The following SSBP2 variants were observed in gnomAD, a reference collection of about 807,000 sequenced individuals.
SSBP2 encodes single stranded DNA binding protein 2, also known as single-stranded DNA-binding protein 2.
A neutral mutation model predicts 61.8 loss-of-function variants in SSBP2; 17 were observed. That is an observed-to-expected ratio of 0.28 (90% CI 0.19 to 0.41). The LOEUF is 0.41. Ranked by LOEUF, SSBP2 falls within the 10% of genes least tolerant of loss-of-function variation. The probability of loss-of-function intolerance (pLI) is 1.00; values close to 1 mark genes in which losing one functional copy is unlikely to be tolerated. For missense variants in SSBP2, 310 were observed against 458.7 expected (o/e 0.68, Z 2.96); for synonymous variants, 139 against 141.3 (o/e 0.98, Z 0.12).
At chr5:81,611,034 T>G (rs1271381420) in intron 4 of SSBP2, among the ~76,000 whole-genome samples, 1 of 152,134 alleles carries the variant, frequency 6.6e-6, no homozygotes, top group South Asian at 2.1e-4. Context: ...GATAACCTAG[T>G]CTTGTGAGCA....
chr5:81,556,174 T>A (rs887518247), intron 4 of SSBP2, among the ~76,000 whole-genome samples: 1 of 152,110 alleles, frequency 6.6e-6, no homozygotes, highest in Admixed American at 6.6e-5. Context: ...TCATTTATTA[T>A]CTTTATATAT....
intron 6 of SSBP2, among the ~76,000 whole-genome samples, chr5:81,488,238 G>A (rs2154050919): frequency 6.6e-6 from 1 of 151,250 alleles, no homozygotes. Flanking sequence ...TATATACCTT[G>A]AAATGGGATT....
At chr5:81,437,072 C>CA (rs1762719203) in intron 15 of SSBP2, among the ~76,000 whole-genome samples, 1 of 151,922 alleles carries the variant, frequency 6.6e-6, no homozygotes. Flanking sequence ...TCTCTCCTCA[C>CA]ATTTCTTTAG....
At chr5:81,666,150 G>A (rs1268031474) in intron 1 of SSBP2, among the ~76,000 whole-genome samples, 1 of 152,144 alleles carries the variant, frequency 6.6e-6, no homozygotes, top group South Asian at 2.1e-4. Flanking sequence ...CAGATTCAGA[G>A]TGTCAAAATC....
At chr5:81,674,975 C>T (rs1228505175) in intron 1 of SSBP2, among the ~76,000 whole-genome samples, 1 of 152,196 alleles carries the variant, frequency 6.6e-6, no homozygotes, top group Non-Finnish European at 1.5e-5. Flanking sequence ...GATCAAAGTA[C>T]TGTTGTGCGC....
chr5:81,663,609 A>G (rs1750877790), intron 1 of SSBP2, among the ~76,000 whole-genome samples: 1 of 152,222 alleles, frequency 6.6e-6, no homozygotes, highest in Non-Finnish European at 1.5e-5. Flanking sequence ...AGAGTTATGA[A>G]CTATGCATAA....
At chr5:81,588,381 A>G (rs1775238784) in intron 4 of SSBP2, among the ~76,000 whole-genome samples, 1 of 152,158 alleles carries the variant, frequency 6.6e-6, no homozygotes, top group African/African-American at 2.4e-5. Flanking sequence ...AAAGTAACTT[A>G]CCCAAAGTTA....
intron 4 of SSBP2, among the ~76,000 whole-genome samples, chr5:81,526,221 G>T (rs755084742): frequency 6.6e-6 from 1 of 151,860 alleles, no homozygotes. Context: ...AAAAAATTCA[G>T]TTTTTTTCCC....
chr5:81,703,110 T>C (rs1754107008), intron 1 of SSBP2, among the ~76,000 whole-genome samples: 1 of 152,226 alleles, frequency 6.6e-6, no homozygotes, highest in Admixed American at 6.5e-5. Context: ...AGTGGTTCAA[T>C]ATTTAATCAA....
In SSBP2 at chr5:81,420,133, C is replaced by T. The variant is rs1761506353; in HGVS notation, c.*371G>A. 5.4e-6 allele frequency: 1 copy of T among 185,502 alleles called. No homozygotes were observed. 11.5% of individuals were successfully genotyped at this position (185,502 alleles called of 1,614,324 possible). A position where few individuals can be genotyped will look rare whatever the true frequency, so the allele number is the denominator to read the frequency against. On this transcript the variant is annotated 3_prime_UTR_variant, in exon 17 of 17. Transcript: ENST00000320672. ...GAAAAAAAGGATGGAATAAAAGTCC[C>T]TACTTATTTCTACTTAAGATGTCAT...
At chr5:81,675,639 T>C (rs989966122) in intron 1 of SSBP2, among the ~76,000 whole-genome samples, 3 of 152,178 alleles carry the variant, frequency 2.0e-5, no homozygotes, top group Non-Finnish European at 4.4e-5. Flanking sequence ...CCTAATGAAA[T>C]CCTAACTAGT....
intron 4 of SSBP2, among the ~76,000 whole-genome samples, chr5:81,600,430 G>A (rs529264924): frequency 1.1e-4 from 16 of 151,818 alleles, no homozygotes; most frequent in Non-Finnish European, 2.2e-4. Context: ...GCGTGGTGGT[G>A]CATGCCTGTA....
intron 4 of SSBP2, among the ~76,000 whole-genome samples, chr5:81,570,201 T>C (rs1773734214): frequency 6.6e-6 from 1 of 152,148 alleles, no homozygotes. Context: ...ACAAATAATA[T>C]ACCTACACAC....
rs143120493 is a variant in SSBP2 at position 81,562,325 on chromosome 5, T to C, written c.283-48608A>G. ...TTCATTGCCTACCATAAGTAAGATA[T>C]ACATTCTTTCAAATCCCATTAAGGG... On this transcript the variant is annotated intron_variant, in intron 4 of 16. Coordinates refer to ENST00000320672, the MANE Select transcript of SSBP2 (RefSeq NM_012446.5). 7.6e-3 allele frequency among the ~76,000 whole-genome samples: 1,164 copies of C among 152,334 alleles called. 6 individuals carry two copies. Among genetic ancestry groups the C allele is most frequent in the Middle Eastern group, 0.02 (6 of 294 alleles).
intron 1 of SSBP2, among the ~76,000 whole-genome samples, chr5:81,701,387 A>G (rs534195137): frequency 1.8e-3 from 279 of 152,348 alleles, no homozygotes; most frequent in Non-Finnish European, 3.3e-3. Context: ...TAATAATAAA[A>G]AGTTTGAAAT....
At chr5:81,741,363 C>T (rs1478059336) in intron 1 of SSBP2, among the ~76,000 whole-genome samples, 3 of 152,074 alleles carry the variant, frequency 2.0e-5, no homozygotes, top group African/African-American at 7.2e-5. Flanking sequence ...TTAATGAGTA[C>T]AGAGTTTCAG....
chr5:81,641,534 T>C (rs902624372), intron 2 of SSBP2, among the ~76,000 whole-genome samples: 1 of 152,148 alleles, frequency 6.6e-6, no homozygotes, highest in Non-Finnish European at 1.5e-5. Flanking sequence ...CTTAAAGCTA[T>C]GTTTTAGGTA....
intron 4 of SSBP2, among the ~76,000 whole-genome samples, chr5:81,556,036 G>A (rs944902577): frequency 6.6e-6 from 1 of 152,104 alleles, no homozygotes; most frequent in African/African-American, 2.4e-5. Context: ...CGTCAAGAAT[G>A]GGCATGGCTA....
At chr5:81,686,913 GAAAAA>G (rs1353262863) in intron 1 of SSBP2, among the ~76,000 whole-genome samples, 12 of 129,286 alleles carry the variant, frequency 9.3e-5, no homozygotes, top group African/African-American at 2.9e-4. Flanking sequence ...GAAAAGAAAA[GAAAAA>G]GTGACAAAAT....
Sources: gnomAD v4.1 joint callset for allele counts (sites outside exome capture counted in the v4.1 genomes callset) on GRCh38, gnomAD v4.1.1 for gene constraint, MANE v1.5 for transcripts, NCBI Gene and HGNC (gene_info 2026-07-23, HGNC 2026-07-21) for gene names.